The following MYLIP variants were observed in gnomAD, a reference collection of about 807,000 sequenced individuals.
MYLIP encodes myosin regulatory light chain interacting protein, also known as E3 ubiquitin-protein ligase MYLIP.
Under a neutral mutation model 45.8 loss-of-function variants are expected in MYLIP, and 26 were observed. That is an observed-to-expected ratio of 0.57 (90% CI 0.42 to 0.79). The LOEUF (loss-of-function observed/expected upper bound fraction) is 0.79. MYLIP is among the 30% of genes least tolerant of loss of function. The pLI, the probability that MYLIP is intolerant of heterozygous loss-of-function variation, is 0.00. For synonymous variants in MYLIP, 213 were observed against 218.1 expected, an observed-to-expected ratio of 0.98 and a Z score of 0.21; for missense variants, 494 against 555.6, an observed-to-expected ratio of 0.89 and a Z score of 1.11.
At chr6:16,163,160 T>C in the MYLIP span, among the ~76,000 whole-genome samples, 3 of 152,212 alleles carry the variant, frequency 2.0e-5, no homozygotes, top group African/African-American at 7.2e-5. Context: ...TCTCCTGTCC[T>C]ACTGCCATGG....
intron 2 of MYLIP, among the ~76,000 whole-genome samples, chr6:16,138,658 G>A (rs1759604936): frequency 6.6e-6 from 1 of 152,158 alleles, no homozygotes; most frequent in Admixed American, 6.5e-5. Context: ...GGAACTCTCA[G>A]ACATGTTTAC....
chr6:16,152,734 C>T (rs1759892868), downstream of MYLIP, among the ~76,000 whole-genome samples: 1 of 152,130 alleles, frequency 6.6e-6, no homozygotes, highest in South Asian at 2.1e-4. Context: ...AGAAGATTTG[C>T]CACTCACTTT....
At chr6:16,154,716 C>A in the MYLIP span, among the ~76,000 whole-genome samples, 1 of 152,170 alleles carries the variant, frequency 6.6e-6, no homozygotes, top group Non-Finnish European at 1.5e-5. Context: ...ACAGCCCAAA[C>A]CCTCTCCACT....
chr6:16,148,788 C>T (rs1759844848), downstream of MYLIP, among the ~76,000 whole-genome samples: 1 of 152,152 alleles, frequency 6.6e-6, no homozygotes, highest in African/African-American at 2.4e-5. Flanking sequence ...CTGGTCTACT[C>T]CTGCTAGGTC....
the MYLIP span, among the ~76,000 whole-genome samples, chr6:16,160,142 C>T: frequency 6.6e-6 from 1 of 152,184 alleles, no homozygotes; most frequent in African/African-American, 2.4e-5. Context: ...ATAAACCTAT[C>T]CACTCTCTTC....
At chr6:16,144,653 G>A (rs1478031138) in intron 5 of MYLIP, among the ~76,000 whole-genome samples, 1 of 152,174 alleles carries the variant, frequency 6.6e-6, no homozygotes, top group Non-Finnish European at 1.5e-5. Context: ...CTGGGGAGGA[G>A]GTACGTGCTC....
In MYLIP at chr6:16,147,462, G is replaced by A. The variant is rs1310217564; in HGVS notation, c.*711G>A. 1 of 152,406 alleles carries A rather than the reference G, an allele frequency of 6.6e-6. No homozygotes were observed. Among genetic ancestry groups the A allele is most frequent in the African/African-American group, 2.4e-5 (1 of 41,426 alleles). 9.4% of individuals were successfully genotyped at this position (152,406 alleles called of 1,614,324 possible). A position where few individuals can be genotyped will look rare whatever the true frequency, so the allele number is the denominator to read the frequency against. ...TCGATTATAAAATACTACCAATCTT[G>A]TTATAAGATTACTGTGGAGTAGTCA... On this transcript the variant is annotated 3_prime_UTR_variant, in exon 7 of 7. Coordinates refer to ENST00000356840, the MANE Select transcript of MYLIP (RefSeq NM_013262.4).
intron 5 of MYLIP, 133 bp from the exon 6 acceptor site, chr6:16,144,764 G>T (rs1759749437): frequency 1.0e-6 from 1 of 983,028 alleles, no homozygotes; most frequent in African/African-American, 1.6e-5. Flanking sequence ...CGTAAAACTG[G>T]AAGGACTTAC....
chr6:16,138,740 G>A (rs1274259210), intron 2 of MYLIP, among the ~76,000 whole-genome samples: 1 of 152,184 alleles, frequency 6.6e-6, no homozygotes, highest in Non-Finnish European at 1.5e-5. Flanking sequence ...AAATGAAAAG[G>A]TTGCTTTATA....
At chr6:16,132,528 G>A (rs1048053390) in intron 2 of MYLIP, among the ~76,000 whole-genome samples, 2 of 152,210 alleles carry the variant, frequency 1.3e-5, no homozygotes, top group Non-Finnish European at 2.9e-5. Context: ...GAAAAGTTAA[G>A]TGTGACCTTA....
chr6:16,135,723 T>C (rs911093106), intron 2 of MYLIP, among the ~76,000 whole-genome samples: 5 of 141,968 alleles, frequency 3.5e-5, no homozygotes, highest in Non-Finnish European at 7.6e-5. Context: ...TATGTATATA[T>C]ACACACATTA....
chr6:16,159,997 C>T, the MYLIP span, among the ~76,000 whole-genome samples: 1 of 152,328 alleles, frequency 6.6e-6, no homozygotes, highest in African/African-American at 2.4e-5. Flanking sequence ...TATGCTGTCC[C>T]TAGCTCCCTA....
At chr6:16,137,276 A>G (rs1013451161) in intron 2 of MYLIP, among the ~76,000 whole-genome samples, 2 of 152,214 alleles carry the variant, frequency 1.3e-5, no homozygotes, top group Non-Finnish European at 2.9e-5. Context: ...TTGGCAGTCA[A>G]AGTTTGTTTT....
At chr6:16,161,724 T>C in the MYLIP span, among the ~76,000 whole-genome samples, 2 of 152,368 alleles carry the variant, frequency 1.3e-5, no homozygotes, top group African/African-American at 4.8e-5. Flanking sequence ...TTTGTGAAGT[T>C]AAACACCACT....
chr6:16,145,875 CAT>C (rs1164823752), intron 6 of MYLIP, among the ~76,000 whole-genome samples: 1 of 152,190 alleles, frequency 6.6e-6, no homozygotes, highest in Non-Finnish European at 1.5e-5. Context: ...AGAGAACTCA[CAT>C]ATAGTTTTCT....
chr6:16,141,913 G>A, intron 3 of MYLIP, 103 bp downstream of exon 3: 13 of 1,126,276 alleles, frequency 1.2e-5, no homozygotes, highest in Non-Finnish European at 1.6e-5. Context: ...GCAGTTTTAT[G>A]TACATTTTTG....
Position 16,143,205 on chromosome 6 carries a change from G to A in MYLIP, c.650G>A (p.Ser217Asn). ...EGISICKDDF[S>N]PINRIAYPVV... ...ATCTCAATTTGTAAAGATGACTTTAGCCCAATTAATAGGTAAGCCAAGACT... is the reference window on the plus strand; with the variant it reads ...ATCTCAATTTGTAAAGATGACTTTAACCCAATTAATAGGTAAGCCAAGACT... Residue 217 changes from serine to asparagine, a missense_variant, in exon 4 of 7, where the codon AGC becomes AAC. Physicochemically the swap from Ser to Asn is conservative, Grantham distance 46. Coordinates refer to ENST00000356840, the MANE Select transcript of MYLIP (RefSeq NM_013262.4). 1 of 1,614,174 alleles carries A rather than the reference G, an allele frequency of 6.2e-7. No individual in the cohort carries two copies.
At position 16,139,494 on chromosome 6, in the gene MYLIP, G is replaced by A. The variant is rs556636425; in HGVS notation, c.279-2131G>A. On this transcript the variant is annotated intron_variant, in intron 2 of 6. Transcript: ENST00000356840. ...TTCAGAGCGTAATTTCTTCTTTAAC[G>A]AAAGCATAGATGCAGATTTTAGTTT... Among the ~76,000 whole-genome samples, 108 of 152,036 alleles carry A rather than the reference G, an allele frequency of 7.1e-4. 1 individual carries two copies. Among genetic ancestry groups the A allele is most frequent in the African/African-American group, 2.4e-3 (100 of 41,454 alleles).
the MYLIP span, among the ~76,000 whole-genome samples, chr6:16,156,606 G>A: frequency 6.6e-6 from 1 of 152,236 alleles, no homozygotes. Context: ...GGGCACCCAA[G>A]TTGCTCAACT....
Sources: allele counts gnomAD v4.1 joint callset (sites outside exome capture counted in the v4.1 genomes callset), GRCh38; gene constraint gnomAD v4.1.1; transcripts MANE v1.5; gene names NCBI Gene and HGNC (gene_info 2026-07-23, HGNC 2026-07-21).